Variants in AKAP6 observed in about 807,000 individuals in gnomAD.
The protein encoded by AKAP6 is A-kinase anchor protein 6.
In AKAP6, 58 loss-of-function variants were observed where a neutral mutation model predicts 188.5. The observed-to-expected ratio is 0.31, with a 90% confidence interval of 0.25 to 0.38. The LOEUF (loss-of-function observed/expected upper bound fraction) is 0.38. AKAP6 is among the 10% of genes least tolerant of loss of function. The pLI is 1.00. For missense variants in AKAP6, 2,710 were observed against 2,740.0 expected (o/e 0.99, Z 0.24); for synonymous variants, 989 against 998.6 (o/e 0.99, Z 0.18).
intron 12 of AKAP6, among the ~76,000 whole-genome samples, chr14:32,787,896 T>G (rs1385291783): frequency 6.6e-6 from 1 of 152,054 alleles, no homozygotes; most frequent in Non-Finnish European, 1.5e-5. Context: ...TGTTTCCACT[T>G]ATTACAGCCA....
chr14:32,649,744 A>G (rs1888132824), intron 7 of AKAP6, among the ~76,000 whole-genome samples: 1 of 152,190 alleles, frequency 6.6e-6, no homozygotes, highest in South Asian at 2.1e-4. Context: ...TTAATTTTAT[A>G]TATAGCCCCT....
At chr14:32,565,593 A>G (rs1594747917) in intron 4 of AKAP6, among the ~76,000 whole-genome samples, 2 of 152,198 alleles carry the variant, frequency 1.3e-5, no homozygotes, top group East Asian at 3.9e-4. Context: ...ACTGGCAATC[A>G]TTTTCCACAC....
Position 32,568,603 on chromosome 14 carries a change from G to A in AKAP6, c.2347-8517G>A, listed in dbSNP as rs1884312652. On this transcript the variant is annotated intron_variant, in intron 4 of 13. Transcript: ENST00000280979. The surrounding 1 kb of genome is among the most constrained non-coding windows in gnomAD (Gnocchi z 6.2). ...TATCCAGTGTCTTGGAGGATTGGGGGTGCTTGAAGCAAGGTCTCACCTAGA... is the reference window on the plus strand; with the variant it reads ...TATCCAGTGTCTTGGAGGATTGGGGATGCTTGAAGCAAGGTCTCACCTAGA... Among the ~76,000 whole-genome samples the A allele has an allele frequency of 6.6e-6, 1 of 152,126 alleles. No individual in the cohort carries two copies. The highest frequency in any genetic ancestry group is 2.4e-5 in the African/African-American group (1 of 41,432).
intron 7 of AKAP6, among the ~76,000 whole-genome samples, chr14:32,619,587 A>C (rs1405153250): frequency 6.6e-6 from 1 of 152,068 alleles, no homozygotes. Flanking sequence ...TTGTAGTATA[A>C]TTTGAAGTCA....
intron 7 of AKAP6, among the ~76,000 whole-genome samples, chr14:32,674,300 C>G (rs1889338841): frequency 6.6e-6 from 1 of 152,152 alleles, no homozygotes; most frequent in Non-Finnish European, 1.5e-5. Flanking sequence ...TGAATGCAGT[C>G]TAAAACCAGC....
At chr14:32,569,375 T>C (rs1884358255) in intron 4 of AKAP6, among the ~76,000 whole-genome samples, 1 of 152,234 alleles carries the variant, frequency 6.6e-6, no homozygotes, top group African/African-American at 2.4e-5. Flanking sequence ...TTATTTTCTC[T>C]TCAATCTTTG....
Position 32,433,663 on chromosome 14 carries a change from C to T in AKAP6, c.170C>T (p.Pro57Leu). The T allele has an allele frequency of 6.2e-7, 1 of 1,614,122 alleles. No homozygotes were observed. The highest frequency in any genetic ancestry group is 8.5e-7 in the Non-Finnish European group (1 of 1,180,020). ...DSDQQYEKPP[P>L]LHTGADWKIV... is the part of the protein sequence containing the mutation. ...GACCAGCAGTATGAAAAGCCACCCC[C>T]ACTACACACAGGGGCTGACTGGAAG... Residue 57 changes from proline (P) to leucine (L), a missense_variant, in exon 2 of 14, where the codon CCA (proline) becomes CTA (leucine). Around this residue, in one of 2 missense-constraint regions of AKAP6, gnomAD observed 237 missense variants for 313.9 expected, o/e 0.76. Coordinates refer to ENST00000280979, the MANE Select transcript of AKAP6 (RefSeq NM_004274.5).
At position 32,420,085 on chromosome 14, in the gene AKAP6, G is replaced by T. The variant is rs566601879; in HGVS notation, c.-34-13375G>T. ...TAGGTATTTTTTAAGCTTTATGTTT[G>T]CATACAAATAGTTAAATCATATAAT... is the stretch of plus-strand genomic sequence containing the variant. On this transcript the variant is annotated intron_variant, in intron 1 of 13. Transcript: ENST00000280979. 6.6e-5 allele frequency among the ~76,000 whole-genome samples: 10 copies of T among 152,096 alleles called. No homozygotes were observed. The East Asian group carries it at 1.7e-3, about 26-fold the overall frequency.
chr14:32,594,515 T>C (rs1885611539), intron 5 of AKAP6, among the ~76,000 whole-genome samples: 2 of 152,216 alleles, frequency 1.3e-5, no homozygotes, highest in South Asian at 4.1e-4. Flanking sequence ...TATGGCATTT[T>C]AAAGATATAT....
At chr14:32,589,586 G>A (rs1321291102) in intron 5 of AKAP6, among the ~76,000 whole-genome samples, 2 of 152,092 alleles carry the variant, frequency 1.3e-5, no homozygotes, top group Non-Finnish European at 2.9e-5. Context: ...CAGTTAAATA[G>A]GATTCCTGCA....
intron 12 of AKAP6, among the ~76,000 whole-genome samples, chr14:32,794,645 T>C (rs12589681): frequency 0.49 from 74,692 of 151,998 alleles, 18,549 homozygotes; most frequent in African/African-American, 0.5. Flanking sequence ...TTGCTAAAGC[T>C]ATGTTAAGAG....
chr14:32,380,479 C>G (rs1407397169), intron 1 of AKAP6, among the ~76,000 whole-genome samples: 1 of 152,182 alleles, frequency 6.6e-6, no homozygotes, highest in Non-Finnish European at 1.5e-5. Flanking sequence ...TGGTGAGTGA[C>G]TGAATAAATG....
chr14:32,352,103 T>TG (rs1887300629), intron 1 of AKAP6, among the ~76,000 whole-genome samples: 15 of 120,350 alleles, frequency 1.2e-4, no homozygotes, highest in South Asian at 2.6e-4. Flanking sequence ...GTGTGTGTGT[T>TG]TGTGTGTGTG....
intron 9 of AKAP6, 103 bp downstream of exon 9, chr14:32,696,213 C>A: frequency 7.1e-7 from 1 of 1,400,672 alleles, no homozygotes; most frequent in Non-Finnish European, 9.4e-7. Flanking sequence ...TTGTATGTAT[C>A]ATGGTGTCTA....
intron 12 of AKAP6, among the ~76,000 whole-genome samples, chr14:32,800,118 A>G (rs1415174679): frequency 1.4e-5 from 2 of 142,348 alleles, no homozygotes; most frequent in Non-Finnish European, 3.0e-5. Context: ...ATATATACAC[A>G]TATATATACA....
chr14:32,522,016 G>A (rs966621406), intron 2 of AKAP6, among the ~76,000 whole-genome samples: 5 of 152,152 alleles, frequency 3.3e-5, no homozygotes, highest in African/African-American at 9.7e-5. Flanking sequence ...ACAGAACAGA[G>A]ACTTCAGAAA....
intron 1 of AKAP6, among the ~76,000 whole-genome samples, chr14:32,332,871 A>G (rs1231665381): frequency 6.6e-6 from 1 of 152,118 alleles, no homozygotes; most frequent in Non-Finnish European, 1.5e-5. Flanking sequence ...GTCTTGTGTA[A>G]TAACCTGGAA....
intron 11 of AKAP6, among the ~76,000 whole-genome samples, chr14:32,755,511 AATTATTATTATT>A (rs61016268): frequency 5.4e-5 from 8 of 149,028 alleles, no homozygotes; most frequent in African/African-American, 1.7e-4. Flanking sequence ...AGATTAAGGC[AATTATTATTATT>A]ATTATTATTA....
At chr14:32,433,173 A>G (rs762925991) in intron 1 of AKAP6, 13 of 284,302 alleles carry the variant, frequency 4.6e-5, no homozygotes, top group Non-Finnish European at 8.1e-5. Flanking sequence ...AGGAATATGA[A>G]CAGCTAAAAA....
Sources: gnomAD v4.1 joint callset for allele counts (sites outside exome capture counted in the v4.1 genomes callset) on GRCh38, gnomAD v4.1.1 for gene constraint, gnomAD v4.1.1 regional missense constraint, Gnocchi (gnomAD v3.1) non-coding constraint, MANE v1.5 for transcripts, NCBI Gene and HGNC (gene_info 2026-07-23, HGNC 2026-07-21) for gene names.